Variants in ARFGAP3 observed in about 807,000 individuals in gnomAD.
The protein encoded by ARFGAP3 is ADP-ribosylation factor GTPase-activating protein 3.
A neutral mutation model predicts 75.0 loss-of-function variants in ARFGAP3; 72 were observed. The ratio of observed to expected loss-of-function variants is 0.96; its 90% confidence interval spans 0.79 to 1.17. ARFGAP3 has a LOEUF of 1.17. ARFGAP3 is among the 50% of genes most tolerant of loss of function. The pLI is 0.00. For missense variants in ARFGAP3, 620 were observed against 626.6 expected (o/e 0.99, Z 0.11); for synonymous variants, 221 against 217.9 (o/e 1.01, Z -0.13).
intron 5 of ARFGAP3, among the ~76,000 whole-genome samples, chr22:42,833,593 T>C (rs1245228446): frequency 6.6e-6 from 1 of 152,156 alleles, no homozygotes; most frequent in Non-Finnish European, 1.5e-5. Context: ...TCGTCTCTAC[T>C]ACAAATACAA....
chr22:42,821,514 T>C (rs1404957958), intron 9 of ARFGAP3, among the ~76,000 whole-genome samples: 2 of 152,258 alleles, frequency 1.3e-5, no homozygotes, highest in Non-Finnish European at 2.9e-5. Flanking sequence ...TTTCTTAGCA[T>C]AAACTTTTCA....
intron 6 of ARFGAP3, 106 bp from the exon 7 acceptor site, chr22:42,827,105 G>A: frequency 6.9e-7 from 1 of 1,451,446 alleles, no homozygotes; most frequent in Non-Finnish European, 9.1e-7. Flanking sequence ...ATCCAATTTT[G>A]TCAATGATCA....
At chr22:42,800,413 C>T (rs550414436) in intron 14 of ARFGAP3, among the ~76,000 whole-genome samples, 2 of 152,296 alleles carry the variant, frequency 1.3e-5, no homozygotes, top group East Asian at 3.9e-4. Context: ...CACCTGTAAC[C>T]CTAGCTACTT....
chr22:42,812,882 C>G (rs1925428208), intron 11 of ARFGAP3, among the ~76,000 whole-genome samples: 1 of 152,246 alleles, frequency 6.6e-6, no homozygotes, highest in Non-Finnish European at 1.5e-5. Context: ...ACCGACCAGG[C>G]TCTCCCTATG....
At chr22:42,846,983 G>A (rs1927047960) in intron 2 of ARFGAP3, among the ~76,000 whole-genome samples, 1 of 152,140 alleles carries the variant, frequency 6.6e-6, no homozygotes. Flanking sequence ...GTTGGACTCT[G>A]TAGAGTCCAG....
At chr22:42,835,859 T>C (rs1323169715) in intron 3 of ARFGAP3, among the ~76,000 whole-genome samples, 2 of 152,222 alleles carry the variant, frequency 1.3e-5, no homozygotes, top group African/African-American at 2.4e-5. Context: ...GAGACTTGCA[T>C]TACAAAATGA....
In ARFGAP3 at chr22:42,847,501, A is replaced by G; in HGVS notation, c.188+13T>C. ...GTAATCAATCTCACCCCAATGAGAG[A>G]AGATTCACTTACCGAATAAAACTCA... On this transcript the variant is annotated intron_variant, in intron 2 of 15. Transcript: ENST00000263245. 2 of 1,602,976 alleles carry G rather than the reference A, an allele frequency of 1.2e-6. No homozygotes were observed. Among genetic ancestry groups the G allele is most frequent in the Non-Finnish European group, 1.7e-6 (2 of 1,170,758 alleles).
chr22:42,826,305 CG>C (rs1001596543), intron 7 of ARFGAP3, among the ~76,000 whole-genome samples: 7 of 147,882 alleles, frequency 4.7e-5, no homozygotes, highest in Admixed American at 6.7e-5. Flanking sequence ...TGCTTATTTC[CG>C]TAAGGTGAGC....
intron 14 of ARFGAP3, among the ~76,000 whole-genome samples, chr22:42,806,865 T>C (rs1925146632): frequency 6.6e-6 from 1 of 152,216 alleles, no homozygotes; most frequent in Admixed American, 6.5e-5. Context: ...TGCCAGGCAA[T>C]GATGGGATGT....
rs775305094 is a variant in ARFGAP3, at chr22:42,834,333, A to C, written c.394-8T>G. ...ACAACTATCAAGCCACAGCTAGAAC[A>C]AAAAAACAACACAGGGCTGAGCATT... On this transcript the variant is annotated splice_polypyrimidine_tract_variant and splice_region_variant and intron_variant, in intron 4 of 15. Coordinates refer to ENST00000263245, the MANE Select transcript of ARFGAP3 (RefSeq NM_014570.5). The C allele has an allele frequency of 5.6e-6, 9 of 1,611,838 alleles. No individual in the cohort carries two copies. In the African/African-American group the frequency reaches 1.1e-4, roughly 19 times the overall value.
chr22:42,830,870 T>TAGAGAGAGAAA, intron 6 of ARFGAP3, among the ~76,000 whole-genome samples: 1 of 152,258 alleles, frequency 6.6e-6, no homozygotes, highest in Non-Finnish European at 1.5e-5. Context: ...TCACTCTCTA[T>TAGAGAGAGAAA]TTAACAATTT....
chr22:42,847,729 C>CCTG, intron 1 of ARFGAP3, 97 bp from the exon 2 acceptor site: 1 of 1,413,508 alleles, frequency 7.1e-7, no homozygotes, highest in Non-Finnish European at 9.3e-7. Flanking sequence ...ACTGTTTAAC[C>CCTG]TTTACAATGT....
intron 5 of ARFGAP3, 71 bp from the exon 6 acceptor site, chr22:42,831,707 G>T: frequency 6.3e-7 from 1 of 1,598,932 alleles, no homozygotes; most frequent in Non-Finnish European, 8.5e-7. Flanking sequence ...ATCAAAGCAC[G>T]GGAAAAACCT....
chr22:42,844,309 G>A (rs1438000693), intron 2 of ARFGAP3, among the ~76,000 whole-genome samples: 2 of 152,070 alleles, frequency 1.3e-5, no homozygotes, highest in African/African-American at 2.4e-5. Context: ...GCTCGGCTAG[G>A]TGCTGTGGCT....
At chr22:42,808,371 C>T (rs1362071719) in intron 13 of ARFGAP3, among the ~76,000 whole-genome samples, 2 of 149,258 alleles carry the variant, frequency 1.3e-5, no homozygotes, top group African/African-American at 5.0e-5. Flanking sequence ...GCACTCCAGC[C>T]TGGGTGACAG....
In ARFGAP3 at chr22:42,826,974, C is replaced by T. The variant is rs1333960151; in HGVS notation, c.591G>A (p.Val197=). 9 of 1,613,552 alleles carry T rather than the reference C, an allele frequency of 5.6e-6. No individual in the cohort carries two copies. The highest frequency in any genetic ancestry group is 5.5e-5 in the South Asian group (5 of 90,952). The change falls in exon 7 of 16, where the codon GTG becomes GTA. Residue 197 remains valine, a synonymous_variant. Transcript: ENST00000263245. ...NEGGQEQGPS[V]EGLNVPTKAT... is the part of the protein sequence containing the mutation. ...CCTTTGTTGGTACATTAAGACCTTC[C>T]ACACTTGGTCCTTGCTCTTGTCCAC...
chr22:42,838,290 A>ATTTTTTTTTTTTTTT (rs1555899058), intron 3 of ARFGAP3, among the ~76,000 whole-genome samples: 1 of 137,184 alleles, frequency 7.3e-6, no homozygotes, highest in Admixed American at 7.6e-5. Flanking sequence ...ATATATATAT[A>ATTTTTTTTTTTTTTT]TTTTTTTTTT....
chr22:42,831,453 T>C (rs1926284145), intron 6 of ARFGAP3, 96 bp downstream of exon 6: 4 of 1,278,758 alleles, frequency 3.1e-6, no homozygotes, highest in Admixed American at 2.0e-5. Flanking sequence ...ATTACAGGCA[T>C]GAGCCACTGT....
intron 11 of ARFGAP3, among the ~76,000 whole-genome samples, chr22:42,813,532 G>A (rs537176123): frequency 6.6e-6 from 1 of 152,344 alleles, no homozygotes; most frequent in African/African-American, 2.4e-5. Context: ...AAATGTAGAG[G>A]AATCAGATTA....
Sources: allele counts gnomAD v4.1 joint callset (sites outside exome capture counted in the v4.1 genomes callset), GRCh38; gene constraint gnomAD v4.1.1; transcripts MANE v1.5; gene names NCBI Gene and HGNC (gene_info 2026-07-23, HGNC 2026-07-21).